The following HHAT variants were observed in gnomAD, a reference collection of about 807,000 sequenced individuals.
The protein encoded by HHAT is hedgehog acyltransferase.
In HHAT, 47 loss-of-function variants were observed where a neutral mutation model predicts 70.8. The observed-to-expected ratio is 0.66, with a 90% CI of 0.53 to 0.85. The LOEUF (loss-of-function observed/expected upper bound fraction) is 0.85, where lower values mean the gene tolerates loss of function less well. HHAT is among the 40% of genes least tolerant of loss of function. The pLI is 0.00. For synonymous variants in HHAT, 228 were observed against 247.6 expected (o/e 0.92, Z 0.74); for missense variants, 609 against 604.8 (o/e 1.01, Z -0.07).
intron 1 of HHAT, among the ~76,000 whole-genome samples, 191 bp from the exon 2 acceptor site, chr1:210,348,742 T>TGTGC (rs1210467632): frequency 6.6e-6 from 1 of 151,256 alleles, no homozygotes; most frequent in Non-Finnish European, 1.5e-5. Flanking sequence ...TGTGCGTGTG[T>TGTGC]GTGTGTGTGT....
intron 8 of HHAT, among the ~76,000 whole-genome samples, chr1:210,474,990 A>G (rs1476608630): frequency 6.6e-6 from 1 of 151,636 alleles, no homozygotes; most frequent in Non-Finnish European, 1.5e-5. Flanking sequence ...AGTTGGGACT[A>G]CAGGTGTGGG....
chr1:210,407,613 G>T (rs1049577518), intron 6 of HHAT, among the ~76,000 whole-genome samples: 2 of 152,196 alleles, frequency 1.3e-5, no homozygotes, highest in Admixed American at 6.5e-5. Flanking sequence ...AATTAGTCAC[G>T]AACAGGTAAA....
intron 7 of HHAT, among the ~76,000 whole-genome samples, chr1:210,429,085 A>G (rs983952997): frequency 5.9e-5 from 9 of 151,898 alleles, no homozygotes; most frequent in African/African-American, 2.2e-4. Flanking sequence ...CTATGAAGTC[A>G]TAAGATGATA....
intron 6 of HHAT, 28 bp from the exon 7 acceptor site, chr1:210,418,126 C>T (rs887077935): frequency 9.3e-6 from 15 of 1,611,732 alleles, no homozygotes; most frequent in Admixed American, 5.0e-5. Context: ...AAGGCACCAT[C>T]GAATGACCTC....
chr1:210,661,913 A>G (rs1677810211), intron 11 of HHAT, among the ~76,000 whole-genome samples: 1 of 152,244 alleles, frequency 6.6e-6, no homozygotes, highest in Non-Finnish European at 1.5e-5. Context: ...CAGCAAACCA[A>G]CATGGCACAT....
Position 210,622,180 on chromosome 1 carries a change from T to C in HHAT, c.1246-1346T>C, listed in dbSNP as rs189262372. Among the ~76,000 whole-genome samples the C allele has an allele frequency of 9.2e-4, 140 of 152,314 alleles. 1 individual carries two copies. The highest frequency in any genetic ancestry group is 1.0e-3 in the Admixed American group (16 of 15,308). On this transcript the variant is annotated intron_variant, in intron 10 of 11. Transcript: ENST00000261458. ...TCATGAATTGCATCGGCTGCTGTCA[T>C]TGAGTCATTCCGAGTTCTGTTTGTA...
intron 8 of HHAT, among the ~76,000 whole-genome samples, chr1:210,501,969 A>G (rs1365827633): frequency 2.0e-5 from 3 of 149,522 alleles, no homozygotes; most frequent in African/African-American, 4.9e-5. Flanking sequence ...CCTTAGTCCT[A>G]TTCCAGCAAT....
chr1:210,446,243 C>T (rs953027341), intron 7 of HHAT, among the ~76,000 whole-genome samples: 4 of 152,042 alleles, frequency 2.6e-5, no homozygotes, highest in Non-Finnish European at 4.4e-5. Flanking sequence ...GGTCAGATTG[C>T]CTGAGTATTG....
intron 9 of HHAT, among the ~76,000 whole-genome samples, chr1:210,538,367 C>G (rs1345886759): frequency 6.6e-6 from 1 of 151,830 alleles, no homozygotes; most frequent in Non-Finnish European, 1.5e-5. Context: ...GAAAAGCAGG[C>G]CTGTGAGATG....
At chr1:210,362,738 A>G in intron 2 of HHAT, 114 bp from the exon 3 acceptor site, 2 of 789,730 alleles carry the variant, frequency 2.5e-6, no homozygotes, top group Non-Finnish European at 4.3e-6. Flanking sequence ...CCTGCACCTT[A>G]GTCCACTGGC....
At chr1:210,361,081 G>C (rs998739596) in intron 2 of HHAT, among the ~76,000 whole-genome samples, 2 of 152,072 alleles carry the variant, frequency 1.3e-5, no homozygotes, top group African/African-American at 4.8e-5. Context: ...CCAAAAAAAA[G>C]AGCTTAAGTT....
At chr1:210,567,260 C>A (rs1654993498) in intron 9 of HHAT, among the ~76,000 whole-genome samples, 1 of 152,184 alleles carries the variant, frequency 6.6e-6, no homozygotes, top group Non-Finnish European at 1.5e-5. Context: ...CATTTCAGAT[C>A]AAAGAGAACG....
intron 9 of HHAT, among the ~76,000 whole-genome samples, chr1:210,532,102 G>A (rs2095321230): frequency 6.6e-6 from 1 of 152,192 alleles, no homozygotes; most frequent in South Asian, 2.1e-4. Context: ...TAATTGAAAG[G>A]TTATTTGCAG....
intron 11 of HHAT, among the ~76,000 whole-genome samples, chr1:210,642,234 GTTCA>G (rs997736294): frequency 3.9e-5 from 6 of 152,208 alleles, no homozygotes; most frequent in African/African-American, 9.6e-5. Context: ...TATAGCAATA[GTTCA>G]TTCATTTTCA....
intron 11 of HHAT, among the ~76,000 whole-genome samples, chr1:210,647,081 T>C (rs543386079): frequency 1.1e-4 from 17 of 152,332 alleles, no homozygotes; most frequent in Non-Finnish European, 2.2e-4. Context: ...CTCCCAGTTC[T>C]GGAGGCTTGA....
intron 11 of HHAT, 64 bp downstream of exon 11, chr1:210,623,734 A>T: frequency 6.6e-7 from 1 of 1,516,622 alleles, no homozygotes; most frequent in Non-Finnish European, 9.0e-7. Context: ...GGATGGGATC[A>T]TACATGGGAT....
chr1:210,586,759 A>T (rs967214368), intron 9 of HHAT, among the ~76,000 whole-genome samples: 2 of 152,220 alleles, frequency 1.3e-5, no homozygotes, highest in Admixed American at 1.3e-4. Context: ...TGGGCTTTTT[A>T]AAAAGGCTAT....
intron 7 of HHAT, among the ~76,000 whole-genome samples, chr1:210,463,831 C>T (rs1334555908): frequency 3.9e-5 from 6 of 152,296 alleles, no homozygotes; most frequent in Admixed American, 2.0e-4. Context: ...TCTGACTTTT[C>T]GATTCTAGTT....
chr1:210,519,397 T>A (rs1340227320), intron 9 of HHAT, among the ~76,000 whole-genome samples: 1 of 152,204 alleles, frequency 6.6e-6, no homozygotes, highest in Non-Finnish European at 1.5e-5. Flanking sequence ...CATACAGTAG[T>A]TTGGTTCTTA....
Sources: gnomAD v4.1 joint callset for allele counts (sites outside exome capture counted in the v4.1 genomes callset) on GRCh38, gnomAD v4.1.1 for gene constraint, MANE v1.5 for transcripts, NCBI Gene and HGNC (gene_info 2026-07-23, HGNC 2026-07-21) for gene names.